NOD1: variants seen among roughly 807,000 people sequenced by gnomAD.
NOD1 encodes nucleotide-binding oligomerization domain-containing protein 1.
NOD1 carries 70 observed loss-of-function variants against 81.2 expected under a neutral mutation model. That is an observed-to-expected ratio of 0.86 (90% CI 0.71 to 1.05). The LOEUF (loss-of-function observed/expected upper bound fraction) is 1.05, where lower values mean the gene tolerates loss of function less well. Ranked by LOEUF, NOD1 falls within the 50% of genes least tolerant of loss-of-function variation. The pLI, the probability that NOD1 is intolerant of heterozygous loss-of-function variation, is 0.00. For missense variants in NOD1, 1,233 were observed against 1,228.0 expected (o/e 1.00, Z -0.06); for synonymous variants, 508 against 526.9 (o/e 0.96, Z 0.49).
At chr7:30,462,747 G>C (rs1253505603) in intron 1 of NOD1, among the ~76,000 whole-genome samples, 1 of 151,912 alleles carries the variant, frequency 6.6e-6, no homozygotes, top group Admixed American at 6.6e-5. Context: ...CCAGGAGTTC[G>C]AGACCAGCCT....
intron 9 of NOD1, among the ~76,000 whole-genome samples, chr7:30,445,538 C>T (rs977014798): frequency 6.6e-6 from 1 of 151,648 alleles, no homozygotes; most frequent in Non-Finnish European, 1.5e-5. Flanking sequence ...GTGGGTGGAT[C>T]ATTTGAGGTC....
intron 1 of NOD1, among the ~76,000 whole-genome samples, chr7:30,465,559 G>A (rs1787609897): frequency 1.3e-5 from 2 of 152,050 alleles, no homozygotes; most frequent in Admixed American, 6.5e-5. Flanking sequence ...GCCAGATTGA[G>A]AACAGAAACC....
intron 13 of NOD1, among the ~76,000 whole-genome samples, chr7:30,428,270 A>G (rs1239476089): frequency 2.0e-5 from 3 of 152,146 alleles, no homozygotes; most frequent in Non-Finnish European, 4.4e-5. Flanking sequence ...CATGTTGCCC[A>G]GGCTGGTCTC....
rs11382352 is a variant in NOD1 at position 30,465,657 on chromosome 7, CT to C, written c.-351-5617del. On this transcript the variant is annotated intron_variant, in intron 1 of 13. Transcript: ENST00000222823. ...CAATTGTTGGGAATCATTATTCGCT[CT>C]TTTTTTTTTTCATGTTTATATTTCA... is the stretch of plus-strand genomic sequence containing the variant. 1.6e-3 allele frequency among the ~76,000 whole-genome samples: 243 copies of C among 148,508 alleles called. 3 individuals carry two copies. The highest frequency in any genetic ancestry group is 0.01 in the South Asian group (48 of 4,700).
chr7:30,426,192 G>T (rs533905902), intron 13 of NOD1, among the ~76,000 whole-genome samples: 1 of 152,146 alleles, frequency 6.6e-6, no homozygotes, highest in East Asian at 1.9e-4. Context: ...TCTCATCAAT[G>T]CCACGGCCTT....
chr7:30,429,503 A>C (rs761243196), intron 12 of NOD1, 46 bp from the exon 13 acceptor site: 1 of 1,553,666 alleles, frequency 6.4e-7, no homozygotes, highest in South Asian at 1.1e-5. Flanking sequence ...TACTGGATCA[A>C]ATTTGACCCC....
intron 6 of NOD1, among the ~76,000 whole-genome samples, chr7:30,448,670 C>A (rs1242490121): frequency 6.6e-6 from 1 of 152,210 alleles, no homozygotes; most frequent in Non-Finnish European, 1.5e-5. Context: ...CCACCTCTGA[C>A]ATCCACCCTT....
At chr7:30,448,022 T>A (rs921668195) in intron 7 of NOD1, 1 of 413,676 alleles carries the variant, frequency 2.4e-6, no homozygotes, top group African/African-American at 2.0e-5. Flanking sequence ...ATTAAATATA[T>A]CCCCTTATAT....
intron 8 of NOD1, 23 bp from the exon 9 acceptor site, chr7:30,446,247 T>C: frequency 6.3e-7 from 1 of 1,589,722 alleles, no homozygotes; most frequent in Non-Finnish European, 8.6e-7. Context: ...TCACACACAG[T>C]CAGCCTCCAG....
intron 4 of NOD1, 110 bp downstream of exon 4, chr7:30,456,611 C>G (rs1786397928): frequency 1.1e-6 from 1 of 920,608 alleles, no homozygotes; most frequent in Non-Finnish European, 1.7e-6. Context: ...AAAATGCAGC[C>G]CTGCCCGCTG....
intron 1 of NOD1, among the ~76,000 whole-genome samples, chr7:30,477,179 C>T (rs1788871265): frequency 6.6e-6 from 1 of 152,232 alleles, no homozygotes; most frequent in Non-Finnish European, 1.5e-5. Context: ...TTTCTCCACT[C>T]CACAAAAATA....
Position 30,451,991 on chromosome 7 carries a change from A to G in NOD1, c.1426T>C (p.Phe476Leu), listed in dbSNP as rs1455803788. The change falls in exon 6 of 14, where the codon TTT (phenylalanine) becomes CTT (leucine). Residue 476 changes from phenylalanine to leucine, a missense_variant. By Grantham distance (22) the Phe-to-Leu change is conservative. Coordinates refer to ENST00000222823, the MANE Select transcript of NOD1 (RefSeq NM_006092.4). The surrounding 1 kb of genome is among the most constrained non-coding windows in gnomAD (Gnocchi z 4.2). ...VAHRGMEKSL[F>L]VFTQEEVQAS... is the part of the protein sequence containing the mutation. ...TGCACCTCCTCCTGGGTGAAGACAA[A>G]GAGGCTCTTCTCCATGCCCCGGTGG... 1.2e-6 allele frequency: 2 copies of G among 1,613,416 alleles called. No homozygotes were observed. The highest frequency in any genetic ancestry group is 2.7e-5 in the African/African-American group (2 of 74,914).
intron 1 of NOD1, among the ~76,000 whole-genome samples, chr7:30,477,371 C>T (rs1788888728): frequency 6.6e-6 from 1 of 152,222 alleles, no homozygotes; most frequent in Non-Finnish European, 1.5e-5. Context: ...AACAGGGAAT[C>T]CACTCCTCTC....
chr7:30,475,052 G>A (rs1788637573), intron 1 of NOD1, among the ~76,000 whole-genome samples: 1 of 152,296 alleles, frequency 6.6e-6, no homozygotes, highest in Admixed American at 6.5e-5. Flanking sequence ...AGCAATCTGG[G>A]CATGTGTTAC....
chr7:30,456,923 G>GT lies in NOD1; in HGVS notation c.-3dup, dbSNP rs1480807038. 3 of 1,613,712 alleles carry GT rather than the reference G, an allele frequency of 1.9e-6. No individual in the cohort carries two copies. The African/African-American group carries it at 4.0e-5, about 22-fold the overall frequency. ...CTCACTGTGGCCCTGCTCTTCCATA[G>GT]TTAAAGTAGCAAGCGGCTACTTTTC... is the stretch of plus-strand genomic sequence containing the variant. On this transcript the variant is annotated 5_prime_UTR_variant, in exon 4 of 14. Transcript: ENST00000222823.
chr7:30,463,010 C>A (rs1787290850), intron 1 of NOD1, among the ~76,000 whole-genome samples: 1 of 148,296 alleles, frequency 6.7e-6, no homozygotes, highest in African/African-American at 2.5e-5. Flanking sequence ...GAAATCAGAT[C>A]AATGGTTTCC....
chr7:30,477,740 C>G (rs1192763430), intron 1 of NOD1, among the ~76,000 whole-genome samples: 1 of 150,098 alleles, frequency 6.7e-6, no homozygotes, highest in African/African-American at 2.5e-5. Context: ...AGGCTGGTCT[C>G]GAACTCTCGA....
intron 6 of NOD1, among the ~76,000 whole-genome samples, chr7:30,449,152 T>A (rs1172959934): frequency 6.6e-6 from 1 of 152,232 alleles, no homozygotes. Context: ...ACCCACAAGC[T>A]GACCTTGATA....
At chr7:30,449,737 C>T (rs576507412) in intron 6 of NOD1, among the ~76,000 whole-genome samples, 140 of 152,342 alleles carry the variant, frequency 9.2e-4, no homozygotes, top group Middle Eastern at 3.4e-3. Context: ...AAAACTAATC[C>T]TAACTGATGC....
Sources: allele counts gnomAD v4.1 joint callset (sites outside exome capture counted in the v4.1 genomes callset), GRCh38; gene constraint gnomAD v4.1.1; non-coding constraint Gnocchi (gnomAD v3.1); transcripts MANE v1.5; gene names NCBI Gene and HGNC (gene_info 2026-07-23, HGNC 2026-07-21).